Variants in NSD2 observed in about 807,000 individuals in gnomAD.
The protein encoded by NSD2 is histone-lysine N-methyltransferase NSD2.
In NSD2, 12 loss-of-function variants were observed where a neutral mutation model predicts 139.0. That is an observed-to-expected ratio of 0.09 (90% CI 0.06 to 0.14). The LOEUF (loss-of-function observed/expected upper bound fraction) is 0.14. NSD2 is among the 10% of genes least tolerant of loss of function. NSD2 has a pLI of 1.00. For synonymous variants in NSD2, 669 were observed against 648.7 expected, an observed-to-expected ratio of 1.03 and a Z score of -0.48; for missense variants, 1,155 against 1,745.0, an observed-to-expected ratio of 0.66 and a Z score of 6.02.
intron 1 of NSD2, among the ~76,000 whole-genome samples, chr4:1,883,652 G>A (rs1006617673): frequency 4.7e-5 from 7 of 147,716 alleles, no homozygotes; most frequent in African/African-American, 7.5e-5. Context: ...AAAAAAAAGC[G>A]TACCTCCTCC....
chr4:1,898,702 T>A (rs1716755225), intron 1 of NSD2, among the ~76,000 whole-genome samples: 1 of 150,382 alleles, frequency 6.6e-6, no homozygotes, highest in African/African-American at 2.4e-5. Context: ...TTTTTTTTTT[T>A]TTTTGTCCAG....
chr4:1,978,051 C>G (rs1727294030), intron 21 of NSD2, among the ~76,000 whole-genome samples: 1 of 151,792 alleles, frequency 6.6e-6, no homozygotes, highest in Non-Finnish European at 1.5e-5. Flanking sequence ...CACTTGAACC[C>G]AAGAGACGGA....
rs1721534374 is a variant in NSD2 at position 1,930,716 on chromosome 4, C to T, written c.1501C>T (p.Arg501Cys). 1 of 1,613,892 alleles carries T rather than the reference C, an allele frequency of 6.2e-7. No homozygotes were observed. Among genetic ancestry groups the T allele is most frequent in the Non-Finnish European group, 8.5e-7 (1 of 1,179,948 alleles). Residue 501 changes from arginine to cysteine, a missense_variant, in exon 6 of 22, where the codon CGC (arginine) becomes TGC (cysteine). By Grantham distance (180) the Arg-to-Cys change is radical. Around this residue, in one of 8 missense-constraint regions of NSD2, gnomAD observed 420 missense variants for 469.0 expected, o/e 0.90. Transcript: ENST00000508803. ...WSLLSEKQRA[R>C]YNTKFALVAP... is the part of the protein sequence containing the mutation. Reference sequence around the variant, plus strand: ...TCTGCTGAGTGAGAAGCAGAGAGCACGCTACAACACCAAGTTTGCCCTGGT... The same window carrying T: ...TCTGCTGAGTGAGAAGCAGAGAGCATGCTACAACACCAAGTTTGCCCTGGT...
rs1481463524 is a variant in NSD2 at position 1,956,669 on chromosome 4, C to T, written c.2881+481C>T. Among the ~76,000 whole-genome samples the T allele has an allele frequency of 6.6e-6, 1 of 152,044 alleles. No individual in the cohort carries two copies. The highest frequency in any genetic ancestry group is 2.4e-5 in the African/African-American group (1 of 41,394). ...TGTGGCATGGCTGGCTGATGACCCA[C>T]GTTTGAGGGAGGCAGGATGGGGATG... is the stretch of plus-strand genomic sequence containing the variant. On this transcript the variant is annotated intron_variant, in intron 15 of 21. Transcript: ENST00000508803. This position sits in a 1 kb window ranked among gnomAD's most constrained non-coding sequence, Gnocchi z 5.3.
Position 1,955,067 on chromosome 4 carries a change from C to T in NSD2, c.2339-94C>T. ...CCATTTCATTTTAGCATTAACTTTT[C>T]AAATTCATGGAGGCTGAGTAATTAT... On this transcript the variant is annotated intron_variant, in intron 12 of 21. Transcript: ENST00000508803. The surrounding 1 kb of genome is among the most constrained non-coding windows in gnomAD (Gnocchi z 4.7). 3 of 1,332,836 alleles carry T rather than the reference C, an allele frequency of 2.3e-6. No homozygotes were observed. The highest frequency in any genetic ancestry group is 2.0e-6 in the Non-Finnish European group (2 of 982,720). The allele number at this position is 1,332,836 out of a possible 1,614,324, so 82.6% of individuals were successfully genotyped here. A position where few individuals can be genotyped will look rare whatever the true frequency, so the allele number is the denominator to read the frequency against.
intron 18 of NSD2, among the ~76,000 whole-genome samples, chr4:1,964,635 GCCGTTGTTATCA>G (rs1214224119): frequency 2.6e-5 from 4 of 152,030 alleles, no homozygotes; most frequent in Non-Finnish European, 5.9e-5. Context: ...GCGCTGCGCT[GCCGTTGTTATCA>G]CACCTCCCTC....
Position 1,900,949 on chromosome 4 carries a change from C to T in NSD2, c.295C>T (p.Arg99Cys), listed in dbSNP as rs779422565. Residue 99 changes from arginine (R) to cysteine (C), a missense_variant, in exon 2 of 22, where the codon CGT becomes TGT. Transcript: ENST00000508803. ...GEPGAHDAKL[R>C]FESQEMKGIG... ...ACCCGGCGCACACGATGCCAAACTGCGTTTTGAGTCCCAGGAAATGAAAGG... is the reference window on the plus strand; with the variant it reads ...ACCCGGCGCACACGATGCCAAACTGTGTTTTGAGTCCCAGGAAATGAAAGG... The T allele has an allele frequency of 1.4e-5, 22 of 1,614,202 alleles. No individual in the cohort carries two copies. The highest frequency in any genetic ancestry group is 4.5e-5 in the East Asian group (2 of 44,886).
intron 5 of NSD2, among the ~76,000 whole-genome samples, chr4:1,925,027 C>G (rs528154215): frequency 1.3e-5 from 2 of 152,356 alleles, no homozygotes; most frequent in East Asian, 3.9e-4. Flanking sequence ...CCCTTCCCTC[C>G]CCTGGACTCT....
At chr4:1,916,827 C>T (rs1443331933) in intron 3 of NSD2, 44 bp from the exon 4 acceptor site, 1 of 1,570,964 alleles carries the variant, frequency 6.4e-7, no homozygotes, top group South Asian at 1.2e-5. Context: ...AGTTTCATCC[C>T]AGATTCTAAC....
chr4:1,872,144 C>T (rs534503823), intron 1 of NSD2, among the ~76,000 whole-genome samples: 2 of 152,028 alleles, frequency 1.3e-5, no homozygotes, highest in South Asian at 4.1e-4. Flanking sequence ...TTGGTCAGCG[C>T]GGACGCTCCC....
intron 19 of NSD2, 45 bp downstream of exon 19, chr4:1,975,049 C>T (rs1391281844): frequency 6.8e-6 from 11 of 1,612,352 alleles, no homozygotes; most frequent in Non-Finnish European, 8.5e-6. Context: ...GCTATGGGGG[C>T]AGAGTGGCCA....
At chr4:1,944,284 G>A (rs1423120222) in intron 9 of NSD2, 2 of 1,066,118 alleles carry the variant, frequency 1.9e-6, no homozygotes, top group Non-Finnish European at 2.3e-6. Context: ...GGGTGGAAAC[G>A]GCTCTTGTTT....
In NSD2 at chr4:1,939,742, A is replaced by C. The variant is rs770938820; in HGVS notation, c.1845A>C (p.Lys615Asn). 1.4e-5 allele frequency: 22 copies of C among 1,614,110 alleles called. No individual in the cohort carries two copies. Among genetic ancestry groups the C allele is most frequent in the Non-Finnish European group, 1.7e-5 (20 of 1,180,054 alleles). Residue 615 changes from lysine (K) to asparagine (N), a missense_variant, in exon 9 of 22, where the codon AAA becomes AAC. By Grantham distance (94) the Lys-to-Asn change is moderately conservative (BLOSUM62 0). Around this residue, in one of 8 missense-constraint regions of NSD2, gnomAD observed 420 missense variants for 469.0 expected, o/e 0.90. Transcript: ENST00000508803. ...CATCTTCAGCTCTTGGGTTTAGCAA[A>C]AGTTCATCTCCTTCTGCATCCTTAA... is the stretch of plus-strand genomic sequence containing the variant. ...TAASSALGFS[K>N]SSSPSASLTE...
At chr4:1,899,400 G>A (rs1716865152) in intron 1 of NSD2, 1 of 152,236 alleles carries the variant, frequency 6.6e-6, no homozygotes, top group Admixed American at 6.5e-5. Flanking sequence ...TCAGAGGTCA[G>A]GGTCCGCCCC....
At chr4:1,963,084 A>G (rs1265786743) in intron 18 of NSD2, among the ~76,000 whole-genome samples, 1 of 152,202 alleles carries the variant, frequency 6.6e-6, no homozygotes, top group African/African-American at 2.4e-5. Flanking sequence ...CGAGAGAGAA[A>G]GAACAAGCCC....
At chr4:1,936,667 C>CAAAAAA (rs879590049) in intron 7 of NSD2, among the ~76,000 whole-genome samples, 37 of 52,480 alleles carry the variant, frequency 7.1e-4, no homozygotes, top group Admixed American at 2.8e-3. Context: ...GACTCCATCT[C>CAAAAAA]AAAAAAAAAA....
rs1226458758 is a variant in NSD2 at position 1,974,591 on chromosome 4, C to T, written c.3373-272C>T. ...TGACCTTAGCTCCCTTGTTTGCCAT[C>T]ATGGAGGATGCTGGGAGCTCCAGCT... is the stretch of plus-strand genomic sequence containing the variant. On this transcript the variant is annotated intron_variant, in intron 18 of 21. Coordinates refer to ENST00000508803, the MANE Select transcript of NSD2 (RefSeq NM_001042424.3). The surrounding 1 kb of genome is among the most constrained non-coding windows in gnomAD (Gnocchi z 4.0). 2 of 576,820 alleles carry T rather than the reference C, an allele frequency of 3.5e-6. No individual in the cohort carries two copies. The highest frequency in any genetic ancestry group is 6.5e-6 in the Non-Finnish European group (2 of 309,384). The allele number at this position is 576,820 out of a possible 1,614,324, so 35.7% of individuals were successfully genotyped here. A position where few individuals can be genotyped will look rare whatever the true frequency, so the allele number is the denominator to read the frequency against.
At position 1,955,189 on chromosome 4, in the gene NSD2, C is replaced by A. The variant is rs138529769; in HGVS notation, c.2367C>A (p.Pro789=). 6.2e-7 allele frequency: 1 copy of A among 1,613,248 alleles called. No homozygotes were observed. The highest frequency in any genetic ancestry group is 2.2e-5 in the East Asian group (1 of 44,864). ...KGKMMRCVRC[P]VAYHSGDACL... is the part of the protein sequence containing the mutation. ...AAATGATGCGGTGTGTCCGCTGCCC[C>A]GTTGCCTATCACAGCGGGGATGCTT... The change falls in exon 13 of 22, where the codon CCC becomes CCA. Residue 789 remains proline (P), a synonymous_variant. Coordinates refer to ENST00000508803, the MANE Select transcript of NSD2 (RefSeq NM_001042424.3). The surrounding 1 kb of genome is among the most constrained non-coding windows in gnomAD (Gnocchi z 4.7).
chr4:1,890,181 G>T (rs1195939000), intron 1 of NSD2, among the ~76,000 whole-genome samples: 1 of 152,156 alleles, frequency 6.6e-6, no homozygotes, highest in Admixed American at 6.6e-5. Context: ...AATATCCATC[G>T]CATGGATAGA....
Sources: allele counts gnomAD v4.1 joint callset (sites outside exome capture counted in the v4.1 genomes callset), GRCh38; gene constraint gnomAD v4.1.1; regional missense constraint gnomAD v4.1.1; non-coding constraint Gnocchi (gnomAD v3.1); transcripts MANE v1.5; gene names NCBI Gene and HGNC (gene_info 2026-07-23, HGNC 2026-07-21).